The following SUZ12 variants were observed in gnomAD, a reference collection of about 807,000 sequenced individuals.
SUZ12 encodes polycomb protein SUZ12.
A neutral mutation model predicts 87.3 loss-of-function variants in SUZ12; 17 were observed. The observed-to-expected ratio is 0.19, with a 90% confidence interval of 0.13 to 0.29. SUZ12 has a LOEUF of 0.29. SUZ12 is among the 10% of genes least tolerant of loss of function. SUZ12 has a pLI of 1.00. For synonymous variants in SUZ12, 253 were observed against 312.4 expected (o/e 0.81, Z 2.01); for missense variants, 526 against 912.2 (o/e 0.58, Z 5.45).
chr17:31,940,958 C>CGAGATT (rs1334037923), intron 3 of SUZ12, among the ~76,000 whole-genome samples: 1 of 150,762 alleles, frequency 6.6e-6, no homozygotes, highest in Non-Finnish European at 1.5e-5. Context: ...TGCAGTGAGC[C>CGAGATT]GAGATTGCGC....
chr17:31,968,832 T>C (rs1908246559), intron 5 of SUZ12, among the ~76,000 whole-genome samples: 1 of 152,184 alleles, frequency 6.6e-6, no homozygotes, highest in Non-Finnish European at 1.5e-5. Flanking sequence ...GTAGAACACA[T>C]AGTTTATCCA....
intron 11 of SUZ12, 82 bp from the exon 12 acceptor site, chr17:31,993,783 C>T (rs1313071562): frequency 1.5e-6 from 2 of 1,368,308 alleles, no homozygotes; most frequent in Admixed American, 4.7e-5. Context: ...ATTTTTTAAA[C>T]TATTTTTAGA....
intron 4 of SUZ12, among the ~76,000 whole-genome samples, chr17:31,959,569 T>C (rs1907573505): frequency 6.6e-6 from 1 of 152,230 alleles, no homozygotes; most frequent in African/African-American, 2.4e-5. Context: ...ATAGCTAACA[T>C]CTAACTATAG....
intron 8 of SUZ12, among the ~76,000 whole-genome samples, chr17:31,977,933 C>T (rs766735271): frequency 2.0e-5 from 3 of 152,126 alleles, no homozygotes; most frequent in African/African-American, 7.2e-5. Flanking sequence ...TTGTGTACCT[C>T]TGTGCATTTG....
At chr17:31,950,802 C>T (rs1459821742) in intron 4 of SUZ12, among the ~76,000 whole-genome samples, 4 of 150,742 alleles carry the variant, frequency 2.7e-5, no homozygotes, top group South Asian at 2.1e-4. Context: ...TTTTTTGAGA[C>T]GGAGTCTCGC....
chr17:31,968,128 C>T (rs1908204870), intron 5 of SUZ12, among the ~76,000 whole-genome samples: 1 of 152,156 alleles, frequency 6.6e-6, no homozygotes, highest in Non-Finnish European at 1.5e-5. Flanking sequence ...CAAGATCACA[C>T]CACTGTACTC....
At chr17:31,974,324 G>A (rs957712442) in intron 6 of SUZ12, among the ~76,000 whole-genome samples, 2 of 152,192 alleles carry the variant, frequency 1.3e-5, no homozygotes, top group African/African-American at 2.4e-5. Flanking sequence ...CACGAGGTCA[G>A]GAGATCGAGT....
chr17:31,970,155 A>T (rs1165421354), intron 5 of SUZ12, among the ~76,000 whole-genome samples: 2 of 152,172 alleles, frequency 1.3e-5, no homozygotes, highest in Non-Finnish European at 2.9e-5. Flanking sequence ...ATACACAAAG[A>T]TTATTTGGGT....
rs543922945 is a variant in SUZ12, at chr17:31,975,668, A to G, written c.778A>G (p.Arg260Gly). The G allele has an allele frequency of 6.2e-7, 1 of 1,613,932 alleles. No homozygotes were observed. Among genetic ancestry groups the G allele is most frequent in the South Asian group, 1.1e-5 (1 of 91,044 alleles). Residue 260 changes from arginine to glycine, a missense_variant, in exon 7 of 16, where the codon AGA (arginine) becomes GGA (glycine). Transcript: ENST00000322652. ...LLFRVTRPGR[R>G]EFNGMINGET... Reference sequence around the variant, plus strand: ...ATTTAGAGTGACTCGTCCAGGAAGAAGAGAGTTTAATGGAATGATTAATGG... The same window carrying G: ...ATTTAGAGTGACTCGTCCAGGAAGAGGAGAGTTTAATGGAATGATTAATGG...
chr17:31,965,451 G>T (rs1453248820), intron 4 of SUZ12, among the ~76,000 whole-genome samples: 14 of 152,120 alleles, frequency 9.2e-5, no homozygotes, highest in Non-Finnish European at 1.6e-4. Context: ...ATAGATGTTT[G>T]TGAAAATAGA....
chr17:31,990,929 G>A (rs563556201), intron 10 of SUZ12, among the ~76,000 whole-genome samples: 1 of 151,716 alleles, frequency 6.6e-6, no homozygotes, highest in East Asian at 1.9e-4. Context: ...TGTATTTTTC[G>A]GTAGAGATGG....
At chr17:31,987,671 C>T (rs1909486240) in intron 9 of SUZ12, among the ~76,000 whole-genome samples, 1 of 152,150 alleles carries the variant, frequency 6.6e-6, no homozygotes, top group South Asian at 2.1e-4. Context: ...TGGCTCATGC[C>T]TGTAACCCCA....
At chr17:31,994,117 A>C in intron 12 of SUZ12, 109 bp downstream of exon 12, 1 of 1,026,012 alleles carries the variant, frequency 9.7e-7, no homozygotes, top group Non-Finnish European at 1.4e-6. Flanking sequence ...AAAGGGAAAA[A>C]ATATGCATTA....
At chr17:31,962,717 T>TC (rs1490572865) in intron 4 of SUZ12, among the ~76,000 whole-genome samples, 1 of 152,224 alleles carries the variant, frequency 6.6e-6, no homozygotes, top group Non-Finnish European at 1.5e-5. Flanking sequence ...CTCTATAAAT[T>TC]CAATTCTATT....
intron 10 of SUZ12, among the ~76,000 whole-genome samples, chr17:31,990,167 G>A (rs1909648786): frequency 7.1e-6 from 1 of 140,708 alleles, no homozygotes; most frequent in East Asian, 2.0e-4. Flanking sequence ...TAGAGATGGG[G>A]TTTCACCGTG....
At chr17:31,946,962 C>A (rs1280603409) in intron 3 of SUZ12, among the ~76,000 whole-genome samples, 1 of 152,174 alleles carries the variant, frequency 6.6e-6, no homozygotes, top group Non-Finnish European at 1.5e-5. Flanking sequence ...ATGATGTCAA[C>A]AACTGTCTCT....
chr17:31,992,350 A>G (rs917138288), intron 10 of SUZ12, among the ~76,000 whole-genome samples: 1 of 152,198 alleles, frequency 6.6e-6, no homozygotes, highest in South Asian at 2.1e-4. Context: ...GTAATGACAT[A>G]TAATTACTTG....
rs1555596196 is a variant in SUZ12 at position 31,998,639 on chromosome 17, TTC to T, written c.1875-17_1875-16del. ...AAAATGCTTTGTATTGCTATTCATA[TTC>T]TGTTTTTATTAAATAGGTTTATTGC... is the stretch of plus-strand genomic sequence containing the variant. On this transcript the variant is annotated splice_polypyrimidine_tract_variant and intron_variant, in intron 15 of 15. Transcript: ENST00000322652. 5 of 1,509,268 alleles carry T rather than the reference TTC, an allele frequency of 3.3e-6. No individual in the cohort carries two copies. Among genetic ancestry groups the T allele is most frequent in the African/African-American group, 2.8e-5 (2 of 71,604 alleles). The allele number at this position is 1,509,268 out of a possible 1,614,324, so 93.5% of individuals were successfully genotyped here. A position where few individuals can be genotyped will look rare whatever the true frequency, so the allele number is the denominator to read the frequency against.
intron 10 of SUZ12, among the ~76,000 whole-genome samples, chr17:31,992,485 C>T (rs1909769835): frequency 6.6e-6 from 1 of 152,130 alleles, no homozygotes; most frequent in African/African-American, 2.4e-5. Flanking sequence ...TCTCAGCTCA[C>T]TGCAAGCTCT....
Sources: allele counts gnomAD v4.1 joint callset (sites outside exome capture counted in the v4.1 genomes callset), GRCh38; gene constraint gnomAD v4.1.1; transcripts MANE v1.5; gene names NCBI Gene and HGNC (gene_info 2026-07-23, HGNC 2026-07-21).